DACH2: variants seen among roughly 807,000 people sequenced by gnomAD.
DACH2 encodes the protein dachshund family transcription factor 2, also known as dachshund homolog 2.
Under a neutral mutation model 35.8 loss-of-function variants are expected in DACH2, and 17 were observed. The observed-to-expected ratio is 0.48, with a 90% CI of 0.33 to 0.71. The LOEUF (loss-of-function observed/expected upper bound fraction) is 0.71. Among genes scored for constraint, DACH2 ranks in the 30% least tolerant of loss-of-function variants. The pLI, the probability that DACH2 is intolerant of heterozygous loss-of-function variation, is 0.02. For missense variants in DACH2, 469 were observed against 472.7 expected, an observed-to-expected ratio of 0.99 and a Z score of 0.07; for synonymous variants, 195 against 177.3, an observed-to-expected ratio of 1.10 and a Z score of -0.79.
intron 7 of DACH2, among the ~76,000 whole-genome samples, chrX:86,790,441 A>T (rs1936031): frequency 0.18 from 19,625 of 111,879 alleles, 1,364 homozygotes; most frequent in South Asian, 0.41. Context: ...ACTTAAATAG[A>T]ATAAATCCAC....
chrX:86,229,726 G>T (rs1422305748), intron 1 of DACH2, among the ~76,000 whole-genome samples: 1 of 102,817 alleles, frequency 9.7e-6, no homozygotes, highest in Admixed American at 1.1e-4. Context: ...TTTTTTTGCA[G>T]CTATTGTGAA....
chrX:86,286,937 G>GT (rs942782323), intron 1 of DACH2, among the ~76,000 whole-genome samples: 4 of 111,475 alleles, frequency 3.6e-5, no homozygotes, highest in East Asian at 2.8e-4. Flanking sequence ...AATATTCTGT[G>GT]TTTTTTTCTG....
intron 3 of DACH2, among the ~76,000 whole-genome samples, chrX:86,552,112 T>C (rs2039057564): frequency 8.9e-6 from 1 of 111,860 alleles, no homozygotes; most frequent in Non-Finnish European, 1.9e-5. Flanking sequence ...TATGAGTGTC[T>C]TGGGGTTTCA....
At chrX:86,291,578 T>A (rs2034295934) in intron 1 of DACH2, among the ~76,000 whole-genome samples, 1 of 108,884 alleles carries the variant, frequency 9.2e-6, no homozygotes, top group East Asian at 2.9e-4. Flanking sequence ...AGATAGCTCT[T>A]ATTATTTTGA....
chrX:86,250,859 T>C (rs1207138108), intron 1 of DACH2, among the ~76,000 whole-genome samples: 1 of 111,467 alleles, frequency 9.0e-6, no homozygotes, highest in Non-Finnish European at 1.9e-5. Flanking sequence ...TAAAGGTAAG[T>C]GGAGCATTAA....
At chrX:86,562,548 C>T (rs1201303282) in intron 3 of DACH2, among the ~76,000 whole-genome samples, 1 of 111,345 alleles carries the variant, frequency 9.0e-6, no homozygotes, top group Non-Finnish European at 1.9e-5. Context: ...CACATTTGAG[C>T]TCCCTATTTA....
intron 2 of DACH2, among the ~76,000 whole-genome samples, chrX:86,461,431 A>G (rs1183402677): frequency 9.0e-6 from 1 of 111,274 alleles, no homozygotes; most frequent in East Asian, 2.8e-4. Context: ...CTCTACCACC[A>G]ACGTTTGGAA....
At chrX:86,545,242 T>C (rs1367510169) in intron 3 of DACH2, among the ~76,000 whole-genome samples, 1 of 112,141 alleles carries the variant, frequency 8.9e-6, no homozygotes, top group East Asian at 2.8e-4. Context: ...AGAGATCTTG[T>C]CCTTTGTAGT....
chrX:86,780,170 C>CAAA (rs5902915), intron 7 of DACH2, among the ~76,000 whole-genome samples: 5 of 90,135 alleles, frequency 5.5e-5, no homozygotes, highest in Admixed American at 1.3e-4. Context: ...ATATAAATAC[C>CAAA]AAAAAAAAAA....
intron 4 of DACH2, among the ~76,000 whole-genome samples, chrX:86,685,684 T>C (rs1201361841): frequency 3.6e-5 from 4 of 111,075 alleles, no homozygotes; most frequent in African/African-American, 1.3e-4. Context: ...CTCAGGGAGC[T>C]TTTATTCATG....
At chrX:86,454,004 C>T (rs1307465676) in intron 2 of DACH2, among the ~76,000 whole-genome samples, 1 of 111,609 alleles carries the variant, frequency 9.0e-6, no homozygotes, top group Non-Finnish European at 1.9e-5. Flanking sequence ...ATTTGCTTAT[C>T]TGAAAAGCAG....
chrX:86,322,507 C>T (rs1029625277), intron 1 of DACH2, among the ~76,000 whole-genome samples: 1 of 111,615 alleles, frequency 9.0e-6, no homozygotes, highest in African/African-American at 3.3e-5. Context: ...TAATTGCCAC[C>T]CTGTGGTTGC....
chrX:86,259,248 A>G (rs755587787), intron 1 of DACH2, among the ~76,000 whole-genome samples: 1 of 112,332 alleles, frequency 8.9e-6, no homozygotes, highest in Admixed American at 9.5e-5. Flanking sequence ...CATTTAGTTA[A>G]TAAATATGTC....
intron 2 of DACH2, among the ~76,000 whole-genome samples, chrX:86,437,963 G>A (rs942058883): frequency 3.7e-5 from 4 of 108,991 alleles, no homozygotes; most frequent in Non-Finnish European, 5.7e-5. Flanking sequence ...TTTGTTGTAC[G>A]GATTATTTTG....
chrX:86,638,122 A>G (rs763966162), intron 3 of DACH2, among the ~76,000 whole-genome samples: 3 of 111,672 alleles, frequency 2.7e-5, no homozygotes, highest in Non-Finnish European at 5.6e-5. Flanking sequence ...CATACAGCCA[A>G]CTGATGTTTA....
chrX:86,356,535 C>A (rs111515475), intron 1 of DACH2, among the ~76,000 whole-genome samples: 3 of 110,688 alleles, frequency 2.7e-5, no homozygotes, highest in Middle Eastern at 9.5e-3. Context: ...GGGTTCCATG[C>A]GAATTTTAGA....
chrX:86,306,540 A>G (rs946763998), intron 1 of DACH2, among the ~76,000 whole-genome samples: 5 of 111,781 alleles, frequency 4.5e-5, no homozygotes, highest in African/African-American at 1.6e-4. Context: ...TCCAGCCTTA[A>G]TCTGGTGGGC....
chrX:86,280,626 T>C, intron 1 of DACH2, among the ~76,000 whole-genome samples: 1 of 112,261 alleles, frequency 8.9e-6, no homozygotes, highest in South Asian at 3.7e-4. Context: ...GTAAATGGGC[T>C]AAATGCCCCA....
intron 2 of DACH2, among the ~76,000 whole-genome samples, chrX:86,454,303 T>A (rs2037435619): frequency 9.0e-6 from 1 of 111,359 alleles, no homozygotes; most frequent in Non-Finnish European, 1.9e-5. Context: ...CCACAGTTCC[T>A]GAATTTTAAT....
Sources: allele counts gnomAD v4.1 joint callset (sites outside exome capture counted in the v4.1 genomes callset), GRCh38; gene constraint gnomAD v4.1.1; transcripts MANE v1.5; gene names NCBI Gene and HGNC (gene_info 2026-07-23, HGNC 2026-07-21).